Variants in ADAMTS20 observed in about 807,000 individuals in gnomAD.
ADAMTS20 encodes the protein ADAM metallopeptidase with thrombospondin type 1 motif 20.
Under a neutral mutation model 260.1 loss-of-function variants are expected in ADAMTS20, and 225 were observed. That is an observed-to-expected ratio of 0.87 (90% CI 0.78 to 0.97). ADAMTS20 has a LOEUF of 0.97. Ranked by LOEUF, ADAMTS20 falls within the 50% of genes least tolerant of loss-of-function variation. ADAMTS20 has a pLI of 0.00. For synonymous variants in ADAMTS20, 802 were observed against 769.5 expected (o/e 1.04, Z -0.70); for missense variants, 2,400 against 2,337.7 (o/e 1.03, Z -0.55).
chr12:43,444,464 A>G (rs543579341), intron 15 of ADAMTS20, among the ~76,000 whole-genome samples: 17 of 152,306 alleles, frequency 1.1e-4, no homozygotes, highest in African/African-American at 4.1e-4. Flanking sequence ...CATTATTTTT[A>G]CAAGAATACT....
In ADAMTS20 at chr12:43,434,226, C is replaced by T; in HGVS notation, c.2720+19G>A. On this transcript the variant is annotated intron_variant, in intron 19 of 38. Coordinates refer to ENST00000389420, the MANE Select transcript of ADAMTS20 (RefSeq NM_025003.5). Reference sequence around the variant, plus strand: ...CTCACTTATTAATCTGGTTATATTACATATTATTTCTCTTTTACCTTAGTT... The same window carrying T: ...CTCACTTATTAATCTGGTTATATTATATATTATTTCTCTTTTACCTTAGTT... 2 of 1,555,408 alleles carry T rather than the reference C, an allele frequency of 1.3e-6. No individual in the cohort carries two copies. Among genetic ancestry groups the T allele is most frequent in the Non-Finnish European group, 1.7e-6 (2 of 1,147,504 alleles).
intron 28 of ADAMTS20, among the ~76,000 whole-genome samples, chr12:43,415,466 C>T (rs767166768): frequency 1.3e-5 from 2 of 152,124 alleles, no homozygotes; most frequent in Non-Finnish European, 2.9e-5. Context: ...GCCTTTTCTA[C>T]TATATTTGGA....
In ADAMTS20 at chr12:43,532,177, G is replaced by C; in HGVS notation, c.472C>G (p.Gln158Glu). 1 of 1,600,540 alleles carries C rather than the reference G, an allele frequency of 6.2e-7. No individual in the cohort carries two copies. The highest frequency in any genetic ancestry group is 1.1e-5 in the South Asian group (1 of 88,214). The part of the protein sequence containing the change: ...CGGLTGTFKG[Q>E]NGEYFLEPIM... ...GGTTCTAAGAAATATTCACCGTTCT[G>C]TCCTTTAAATGTTCCCGTCTGAAAA... Residue 158 changes from glutamine (Q) to glutamate (E), a missense_variant, in exon 3 of 39, where the codon CAG (glutamine) becomes GAG (glutamate). Transcript: ENST00000389420.
Position 43,541,180 on chromosome 12 carries a change from T to G in ADAMTS20, c.454-8985A>C, listed in dbSNP as rs563759345. On this transcript the variant is annotated intron_variant, in intron 2 of 38. Coordinates refer to ENST00000389420, the MANE Select transcript of ADAMTS20 (RefSeq NM_025003.5). ...CGGAAATAAGGTACTGCTGAAGTGTTGACTAAAATACTTAGTTTTTCCATC... is the reference window on the plus strand; with the variant it reads ...CGGAAATAAGGTACTGCTGAAGTGTGGACTAAAATACTTAGTTTTTCCATC... Among the ~76,000 whole-genome samples, 4 of 152,292 alleles carry G rather than the reference T, an allele frequency of 2.6e-5. No individual in the cohort carries two copies. The East Asian group carries it at 7.7e-4, about 29-fold the overall frequency.
chr12:43,413,480 T>A (rs1395346417), intron 28 of ADAMTS20, among the ~76,000 whole-genome samples: 1 of 152,138 alleles, frequency 6.6e-6, no homozygotes, highest in Non-Finnish European at 1.5e-5. Flanking sequence ...AGAAAGTAGA[T>A]CTTGCTTTGG....
chr12:43,355,258 A>G (rs900248414), intron 38 of ADAMTS20, among the ~76,000 whole-genome samples: 2 of 152,198 alleles, frequency 1.3e-5, no homozygotes, highest in African/African-American at 4.8e-5. Context: ...ATAATTCCCT[A>G]TTCCCTCTGT....
At chr12:43,513,610 A>T (rs1248923244) in intron 3 of ADAMTS20, among the ~76,000 whole-genome samples, 1 of 152,174 alleles carries the variant, frequency 6.6e-6, no homozygotes, top group Admixed American at 6.5e-5. Context: ...ACACATGTAC[A>T]CGTATGTTTA....
intron 2 of ADAMTS20, among the ~76,000 whole-genome samples, chr12:43,547,474 G>T (rs573189685): frequency 6.6e-6 from 1 of 152,330 alleles, no homozygotes; most frequent in Admixed American, 6.5e-5. Flanking sequence ...CAAAGGGACT[G>T]CCCAAAGAGG....
At chr12:43,487,413 C>T (rs1396947457) in intron 7 of ADAMTS20, among the ~76,000 whole-genome samples, 2 of 112,502 alleles carry the variant, frequency 1.8e-5, no homozygotes, top group African/African-American at 3.4e-5. Flanking sequence ...ACTGGAAGCT[C>T]GGAAGAGGGA....
chr12:43,377,598 T>C, intron 31 of ADAMTS20, 36 bp from the exon 32 acceptor site: 2 of 1,565,246 alleles, frequency 1.3e-6, no homozygotes, highest in African/African-American at 1.3e-5. Context: ...GAAAATGTCA[T>C]TAACTTTAGC....
intron 26 of ADAMTS20, 135 bp from the exon 27 acceptor site, chr12:43,427,604 A>G (rs772990305): frequency 8.1e-5 from 67 of 822,596 alleles, no homozygotes; most frequent in Non-Finnish European, 1.1e-4. Flanking sequence ...TGGAATCACA[A>G]TTTGAATTGA....
chr12:43,469,631 T>C (rs545041490), intron 7 of ADAMTS20, among the ~76,000 whole-genome samples: 1 of 152,046 alleles, frequency 6.6e-6, no homozygotes, highest in Non-Finnish European at 1.5e-5. Context: ...AAAAAAAAGA[T>C]TTTTTCATAG....
At chr12:43,460,845 T>C (rs1942046096) in intron 11 of ADAMTS20, among the ~76,000 whole-genome samples, 1 of 150,746 alleles carries the variant, frequency 6.6e-6, no homozygotes, top group Non-Finnish European at 1.5e-5. Context: ...TCAAAAAAGA[T>C]GACGCTGTAT....
intron 17 of ADAMTS20, 45 bp from the exon 18 acceptor site, chr12:43,439,796 T>C (rs754561231): frequency 1.4e-5 from 22 of 1,564,604 alleles, no homozygotes; most frequent in Non-Finnish European, 1.7e-5. Flanking sequence ...CATAAAAATA[T>C]ATTCTTGACA....
intron 11 of ADAMTS20, among the ~76,000 whole-genome samples, chr12:43,458,922 A>G (rs1352535710): frequency 3.3e-5 from 5 of 152,322 alleles, no homozygotes; most frequent in African/African-American, 1.2e-4. Flanking sequence ...CAGGTAGTAA[A>G]GAGAGCTCAC....
intron 2 of ADAMTS20, among the ~76,000 whole-genome samples, chr12:43,548,361 G>C (rs945029912): frequency 3.9e-5 from 6 of 152,116 alleles, no homozygotes; most frequent in African/African-American, 1.4e-4. Flanking sequence ...AGGGCCATCA[G>C]GTTAGCATTA....
At chr12:43,377,967 C>T (rs1045716140) in intron 31 of ADAMTS20, among the ~76,000 whole-genome samples, 1 of 152,122 alleles carries the variant, frequency 6.6e-6, no homozygotes, top group Admixed American at 6.5e-5. Flanking sequence ...AGTTAGCACA[C>T]ATGTATCTTC....
At chr12:43,380,518 A>G (rs1231966846) in intron 31 of ADAMTS20, among the ~76,000 whole-genome samples, 2 of 152,176 alleles carry the variant, frequency 1.3e-5, no homozygotes, top group African/African-American at 4.8e-5. Flanking sequence ...ATGAGATGAT[A>G]TTGTAAGTAG....
chr12:43,460,078 T>C (rs1942033139), intron 11 of ADAMTS20, among the ~76,000 whole-genome samples: 1 of 152,232 alleles, frequency 6.6e-6, no homozygotes. Context: ...CAAATGTCCC[T>C]TCAATAAAAG....
Sources: gnomAD v4.1 joint callset for allele counts (sites outside exome capture counted in the v4.1 genomes callset) on GRCh38, gnomAD v4.1.1 for gene constraint, MANE v1.5 for transcripts, NCBI Gene and HGNC (gene_info 2026-07-23, HGNC 2026-07-21) for gene names.